The following ANKRD44 variants were observed in gnomAD, a reference collection of about 807,000 sequenced individuals.
ANKRD44 encodes serine/threonine-protein phosphatase 6 regulatory ankyrin repeat subunit B.
Under a neutral mutation model 116.0 loss-of-function variants are expected in ANKRD44, and 35 were observed. The ratio of observed to expected loss-of-function variants is 0.30; its 90% CI spans 0.23 to 0.40. The LOEUF (loss-of-function observed/expected upper bound fraction) is 0.40, where lower values mean the gene tolerates loss of function less well. Among genes scored for constraint, ANKRD44 ranks in the 10% least tolerant of loss-of-function variants. The pLI is 1.00. For missense variants in ANKRD44, 1,014 were observed against 1,242.6 expected, an observed-to-expected ratio of 0.82 and a Z score of 2.77; for synonymous variants, 435 against 461.8, an observed-to-expected ratio of 0.94 and a Z score of 0.74.
At chr2:197,119,051 T>A (rs2078790897) in intron 8 of ANKRD44, among the ~76,000 whole-genome samples, 1 of 152,212 alleles carries the variant, frequency 6.6e-6, no homozygotes, top group Non-Finnish European at 1.5e-5. Flanking sequence ...TGAGCTCTTT[T>A]TATATCAAGC....
intron 16 of ANKRD44, 71 bp downstream of exon 16, chr2:197,078,632 C>G: frequency 1.9e-6 from 3 of 1,570,964 alleles, no homozygotes; most frequent in Middle Eastern, 1.7e-4. Flanking sequence ...TGGAAAAAAA[C>G]AGTTAATGCC....
At chr2:197,003,209 G>A (rs1219183955) in intron 21 of ANKRD44, among the ~76,000 whole-genome samples, 1 of 151,966 alleles carries the variant, frequency 6.6e-6, no homozygotes, top group Non-Finnish European at 1.5e-5. Context: ...TACTCGGGAG[G>A]CTGAGGCAGG....
rs184726413 is a variant in ANKRD44 at position 197,181,753 on chromosome 2, T to G, written c.111+5270A>C. 2.0e-5 allele frequency among the ~76,000 whole-genome samples: 3 copies of G among 152,380 alleles called. No homozygotes were observed. The East Asian group carries it at 5.8e-4, about 29-fold the overall frequency. On this transcript the variant is annotated intron_variant, in intron 2 of 27. Coordinates refer to ENST00000282272, the MANE Select transcript of ANKRD44 (RefSeq NM_001195144.2). ...TTGCCAATTCGACTCATTGCTTCTC[T>G]AGACAGCTCTGTCTATTAAGTTAAT...
At chr2:197,016,034 A>C in intron 17 of ANKRD44, 1 of 530,414 alleles carries the variant, frequency 1.9e-6, no homozygotes, top group Admixed American at 1.9e-5. Flanking sequence ...GAAAAGGGCT[A>C]GAGTTCTTAG....
intron 12 of ANKRD44, among the ~76,000 whole-genome samples, chr2:197,088,272 G>A (rs1386973412): frequency 1.3e-5 from 2 of 152,130 alleles, no homozygotes; most frequent in African/African-American, 4.8e-5. Flanking sequence ...ATCATTAAAA[G>A]ACTAAAAATT....
At chr2:197,133,808 A>G (rs1212600573) in intron 4 of ANKRD44, among the ~76,000 whole-genome samples, 1 of 152,160 alleles carries the variant, frequency 6.6e-6, no homozygotes, top group Admixed American at 6.5e-5. Flanking sequence ...CTAAATTCCA[A>G]AGAAGAAGGA....
chr2:197,009,857 T>C (rs941164996), intron 18 of ANKRD44, among the ~76,000 whole-genome samples: 6 of 152,172 alleles, frequency 3.9e-5, no homozygotes, highest in African/African-American at 1.4e-4. Context: ...GGTTTTTTCT[T>C]ACACTTGGGG....
chr2:197,044,611 G>A (rs537212403), intron 16 of ANKRD44, among the ~76,000 whole-genome samples: 58 of 152,046 alleles, frequency 3.8e-4, no homozygotes, highest in African/African-American at 1.1e-3. Context: ...TGCCCGCCTC[G>A]GCCTTCCAAA....
intron 16 of ANKRD44, among the ~76,000 whole-genome samples, chr2:197,076,402 A>C (rs528079423): frequency 6.6e-6 from 1 of 152,184 alleles, no homozygotes; most frequent in Non-Finnish European, 1.5e-5. Flanking sequence ...TGGAGTTTTA[A>C]AGACTGTTAA....
At position 197,158,173 on chromosome 2, in the gene ANKRD44, C is replaced by T. The variant is rs77474626; in HGVS notation, c.112-11068G>A. ...ATCATCAGGAGCTTCTGATGAAAAC[C>T]GAAGCAGGTCTTCGGAGTACCACCT... On this transcript the variant is annotated intron_variant, in intron 2 of 27. Transcript: ENST00000282272. Among the ~76,000 whole-genome samples the T allele has an allele frequency of 7.1e-3, 1,080 of 152,236 alleles. 15 individuals are homozygous for T. Among genetic ancestry groups the T allele is most frequent in the African/African-American group, 0.025 (1,023 of 41,532 alleles).
At chr2:197,048,027 C>T (rs2077035551) in intron 16 of ANKRD44, among the ~76,000 whole-genome samples, 1 of 152,114 alleles carries the variant, frequency 6.6e-6, no homozygotes. Flanking sequence ...CATACATCTA[C>T]AATTTCTTTG....
intron 21 of ANKRD44, among the ~76,000 whole-genome samples, chr2:196,977,411 C>T (rs1045257212): frequency 1.4e-4 from 22 of 152,224 alleles, no homozygotes; most frequent in African/African-American, 4.1e-4. Context: ...AAGGAAAAAA[C>T]GACCCATGGA....
chr2:197,121,165 G>C (rs573555131), intron 8 of ANKRD44, among the ~76,000 whole-genome samples, 167 bp downstream of exon 8: 2 of 152,116 alleles, frequency 1.3e-5, no homozygotes, highest in East Asian at 3.9e-4. Flanking sequence ...CTAACCTCAT[G>C]ATCTACCTGC....
intron 4 of ANKRD44, among the ~76,000 whole-genome samples, chr2:197,127,962 T>C (rs573510268): frequency 6.6e-6 from 1 of 152,354 alleles, no homozygotes; most frequent in Admixed American, 6.5e-5. Flanking sequence ...GACAACAGCT[T>C]CCAGCTCCAT....
intron 1 of ANKRD44, among the ~76,000 whole-genome samples, chr2:197,237,170 CTT>C (rs1162171486): frequency 6.6e-6 from 1 of 152,066 alleles, no homozygotes; most frequent in Non-Finnish European, 1.5e-5. Context: ...AAGAATAGAC[CTT>C]TGTTCTATAG....
intron 21 of ANKRD44, among the ~76,000 whole-genome samples, chr2:196,968,253 G>A (rs2075689133): frequency 6.6e-6 from 1 of 152,188 alleles, no homozygotes; most frequent in African/African-American, 2.4e-5. Context: ...GGAATTGGTT[G>A]ACGGAAAATA....
intron 16 of ANKRD44, among the ~76,000 whole-genome samples, chr2:197,070,605 G>T (rs1293533826): frequency 6.6e-6 from 1 of 152,006 alleles, no homozygotes; most frequent in Non-Finnish European, 1.5e-5. Flanking sequence ...CATTAGTCAT[G>T]GTATATAATT....
rs2125661292 is a variant in ANKRD44 at position 197,201,295 on chromosome 2, G to A, written c.28-14189C>T. Among the ~76,000 whole-genome samples, 1 of 152,346 alleles carries A rather than the reference G, an allele frequency of 6.6e-6. No individual in the cohort carries two copies. The highest frequency in any genetic ancestry group is 2.4e-5 in the African/African-American group (1 of 41,584). ...CAGTCATATTACAGAAAATAAGGGA[G>A]TGAGTTACTGAGTTTTTAACAAGGA... On this transcript the variant is annotated intron_variant, in intron 1 of 27. Coordinates refer to ENST00000282272, the MANE Select transcript of ANKRD44 (RefSeq NM_001195144.2). This position sits in a 1 kb window ranked among gnomAD's most constrained non-coding sequence, Gnocchi z 4.0.
chr2:197,266,110 C>T (rs2082734647), intron 1 of ANKRD44, among the ~76,000 whole-genome samples: 1 of 152,048 alleles, frequency 6.6e-6, no homozygotes, highest in Non-Finnish European at 1.5e-5. Context: ...AAAATGATTG[C>T]TCATGCAAGC....
Sources: allele counts gnomAD v4.1 joint callset (sites outside exome capture counted in the v4.1 genomes callset), GRCh38; gene constraint gnomAD v4.1.1; non-coding constraint Gnocchi (gnomAD v3.1); transcripts MANE v1.5; gene names NCBI Gene and HGNC (gene_info 2026-07-23, HGNC 2026-07-21).